Variants in ZSWIM5 observed in about 807,000 individuals in gnomAD.
The protein encoded by ZSWIM5 is zinc finger SWIM-type containing 5.
ZSWIM5 carries 55 observed loss-of-function variants against 119.6 expected under a neutral mutation model. The observed-to-expected ratio is 0.46, with a 90% confidence interval of 0.37 to 0.58. The LOEUF is 0.58. ZSWIM5 is among the 20% of genes least tolerant of loss of function. The probability of loss-of-function intolerance (pLI) is 0.00; values close to 1 mark genes in which losing one functional copy is unlikely to be tolerated. For synonymous variants in ZSWIM5, 537 were observed against 606.9 expected, an observed-to-expected ratio of 0.88 and a Z score of 1.69; for missense variants, 1,193 against 1,512.8, an observed-to-expected ratio of 0.79 and a Z score of 3.51.
chr1:45,035,543 A>G lies in ZSWIM5; in HGVS notation c.2291+145T>C. On this transcript the variant is annotated intron_variant, in intron 10 of 13. Transcript: ENST00000359600. ...TATGAATCCTAGATCATATAAAAAT[A>G]TCTGAGCCATTTTAAGGTACACTTG... 2.8e-6 allele frequency: 3 copies of G among 1,052,866 alleles called. No homozygotes were observed. In the East Asian group the frequency reaches 7.7e-5, roughly 27 times the overall value. The allele number at this position is 1,052,866 out of a possible 1,614,324, so 65.2% of individuals were successfully genotyped here.
At chr1:45,184,627 C>A (rs987214617) in intron 1 of ZSWIM5, among the ~76,000 whole-genome samples, 2 of 151,994 alleles carry the variant, frequency 1.3e-5, no homozygotes, top group Admixed American at 6.5e-5. Flanking sequence ...AGAGCCAAAT[C>A]ATGAGTGAAC....
At chr1:45,097,704 C>CT (rs374947574) in intron 1 of ZSWIM5, among the ~76,000 whole-genome samples, 21 of 151,384 alleles carry the variant, frequency 1.4e-4, no homozygotes, top group African/African-American at 3.1e-4. Context: ...CAATGTGCTT[C>CT]TTTTTTTTTG....
chr1:45,066,993 A>T (rs1645187641), intron 2 of ZSWIM5, among the ~76,000 whole-genome samples: 1 of 152,212 alleles, frequency 6.6e-6, no homozygotes, highest in Admixed American at 6.5e-5. Flanking sequence ...CCATGGCTAG[A>T]TGGTGGTGCT....
chr1:45,141,509 T>C (rs1004159443), intron 1 of ZSWIM5, among the ~76,000 whole-genome samples: 5 of 152,126 alleles, frequency 3.3e-5, no homozygotes, highest in South Asian at 2.1e-4. Flanking sequence ...GTGACATTCA[T>C]TGGAATTATA....
chr1:45,106,029 G>A (rs1645473515), intron 1 of ZSWIM5, among the ~76,000 whole-genome samples: 2 of 149,444 alleles, frequency 1.3e-5, no homozygotes, highest in Admixed American at 6.6e-5. Context: ...CGTCTGGGAG[G>A]TGAGGAGCGC....
In ZSWIM5 at chr1:45,206,397, T is replaced by G. The variant is rs1341322542; in HGVS notation, c.-47A>C. On this transcript the variant is annotated 5_prime_UTR_variant, in exon 1 of 14. Coordinates refer to ENST00000359600, the MANE Select transcript of ZSWIM5 (RefSeq NM_020883.2). ...CTGAGGCGGCGGCGGCTGCTCGGGC[T>G]GCGGCGGAGACCCTGGCCACGGCCA... 1.6e-5 allele frequency: 22 copies of G among 1,349,420 alleles called. No homozygotes were observed. Among genetic ancestry groups the G allele is most frequent in the Non-Finnish European group, 1.9e-5 (20 of 1,054,288 alleles). 83.6% of individuals were successfully genotyped at this position (1,349,420 alleles called of 1,614,324 possible).
At chr1:45,180,322 CT>C (rs1646008746) in intron 1 of ZSWIM5, among the ~76,000 whole-genome samples, 1 of 152,210 alleles carries the variant, frequency 6.6e-6, no homozygotes, top group South Asian at 2.1e-4. Flanking sequence ...CGGAGTCTCA[CT>C]GATTGCTAGC....
intron 1 of ZSWIM5, among the ~76,000 whole-genome samples, chr1:45,155,174 C>CA (rs1322243939): frequency 6.6e-6 from 1 of 151,794 alleles, no homozygotes; most frequent in African/African-American, 2.4e-5. Flanking sequence ...ACGAGGAACT[C>CA]AAACAAATTA....
Position 45,018,829 on chromosome 1 carries a change from G to A in ZSWIM5, c.3183C>T (p.Ile1061=). 2.5e-6 allele frequency: 4 copies of A among 1,614,254 alleles called. No individual in the cohort carries two copies. Among genetic ancestry groups the A allele is most frequent in the Non-Finnish European group, 3.4e-6 (4 of 1,180,040 alleles). ...SLGKNELAAL[I]PLVVKSVHCA... ...AGTGCACACTCTTCACCACCAGGGG[G>A]ATGAGAGCTGCCAGCTCATTCTTGC... is the stretch of plus-strand genomic sequence containing the variant. The change falls in exon 14 of 14, where the codon ATC becomes ATT. Residue 1061 remains isoleucine, a synonymous_variant. Coordinates refer to ENST00000359600, the MANE Select transcript of ZSWIM5 (RefSeq NM_020883.2). The surrounding 1 kb of genome is among the most constrained non-coding windows in gnomAD (Gnocchi z 6.7).
chr1:45,070,468 T>G (rs1046150139), intron 2 of ZSWIM5: 5 of 1,035,346 alleles, frequency 4.8e-6, no homozygotes, highest in African/African-American at 3.2e-5. Flanking sequence ...AGGAATTTTA[T>G]GTTCCAACAA....
At chr1:45,153,414 G>A (rs968265389) in intron 1 of ZSWIM5, among the ~76,000 whole-genome samples, 2 of 151,462 alleles carry the variant, frequency 1.3e-5, no homozygotes, top group African/African-American at 2.4e-5. Context: ...GCTGAGACAT[G>A]AGAATCGCTT....
chr1:45,121,595 TC>T (rs1645592600), intron 1 of ZSWIM5, among the ~76,000 whole-genome samples: 1 of 146,892 alleles, frequency 6.8e-6, no homozygotes, highest in Non-Finnish European at 1.5e-5. Context: ...TCTTTTTTTT[TC>T]TTCTTCTTTT....
intron 3 of ZSWIM5, among the ~76,000 whole-genome samples, 179 bp downstream of exon 3, chr1:45,059,920 G>A (rs1419524717): frequency 6.6e-6 from 1 of 152,156 alleles, no homozygotes; most frequent in African/African-American, 2.4e-5. Context: ...TGAGGTGGGA[G>A]GCCTCCTTGG....
chr1:45,138,505 CAAAAAAA>C (rs759005534), intron 1 of ZSWIM5, among the ~76,000 whole-genome samples: 1,393 of 54,928 alleles, frequency 0.025, 30 homozygotes, highest in African/African-American at 0.082. Flanking sequence ...AACTCCATCT[CAAAAAAA>C]AAAAAAAAAA....
intron 4 of ZSWIM5, among the ~76,000 whole-genome samples, chr1:45,053,127 CAAAAA>C (rs60199581): frequency 8.2e-6 from 1 of 122,162 alleles, no homozygotes; most frequent in Non-Finnish European, 1.7e-5. Context: ...CCGTCTCAAA[CAAAAA>C]AAAAAAAAAA....
chr1:45,032,864 G>C (rs538258669), intron 11 of ZSWIM5, among the ~76,000 whole-genome samples: 1 of 151,752 alleles, frequency 6.6e-6, no homozygotes, highest in African/African-American at 2.4e-5. Context: ...TTTCTAATGA[G>C]AAATCTGTTC....
intron 1 of ZSWIM5, among the ~76,000 whole-genome samples, chr1:45,189,051 C>T (rs72684481): frequency 0.063 from 9,536 of 152,176 alleles, 346 homozygotes; most frequent in East Asian, 0.11. Context: ...CGGTGGCTCA[C>T]GCCTGTAATC....
In ZSWIM5 at chr1:45,162,317, T is replaced by C. The variant is rs376386714; in HGVS notation, c.595+43439A>G. ...GACCAGCCTGGCCAACATAGTGAAA[T>C]GCCACCTCTACTAAAAATACAAAAA... On this transcript the variant is annotated intron_variant, in intron 1 of 13. Coordinates refer to ENST00000359600, the MANE Select transcript of ZSWIM5 (RefSeq NM_020883.2). Among the ~76,000 whole-genome samples the C allele has an allele frequency of 3.5e-4, 53 of 152,236 alleles. 2 individuals carry two copies. Among genetic ancestry groups the C allele is most frequent in the African/African-American group, 1.3e-3 (52 of 41,538 alleles).
intron 1 of ZSWIM5, among the ~76,000 whole-genome samples, chr1:45,159,659 G>T (rs2149040875): frequency 6.6e-6 from 1 of 152,138 alleles, no homozygotes; most frequent in Non-Finnish European, 1.5e-5. Context: ...CACGATCTAG[G>T]CTCACTGCAA....
Sources: allele counts gnomAD v4.1 joint callset (sites outside exome capture counted in the v4.1 genomes callset), GRCh38; gene constraint gnomAD v4.1.1; non-coding constraint Gnocchi (gnomAD v3.1); transcripts MANE v1.5; gene names NCBI Gene and HGNC (gene_info 2026-07-23, HGNC 2026-07-21).